The following PDE12 variants were observed in gnomAD, a reference collection of about 807,000 sequenced individuals.
PDE12 encodes phosphodiesterase 12.
A neutral mutation model predicts 45.4 loss-of-function variants in PDE12; 26 were observed. The ratio of observed to expected loss-of-function variants is 0.57; its 90% CI spans 0.42 to 0.79. PDE12 has a LOEUF of 0.79. PDE12 is among the 30% of genes least tolerant of loss of function. The pLI is 0.00. For missense variants in PDE12, 668 were observed against 790.0 expected (o/e 0.85, Z 1.85); for synonymous variants, 283 against 323.9 (o/e 0.87, Z 1.36).
the PDE12 span, among the ~76,000 whole-genome samples, chr3:57,610,988 T>C: frequency 6.6e-6 from 1 of 151,922 alleles, no homozygotes; most frequent in South Asian, 2.1e-4. Flanking sequence ...TCAAACTATA[T>C]TACAAGGCTA....
In PDE12 at chr3:57,561,905, T is replaced by G. The variant is rs2069732732; in HGVS notation, c.*1901T>G. On this transcript the variant is annotated 3_prime_UTR_variant, in exon 3 of 3. Coordinates refer to ENST00000311180, the MANE Select transcript of PDE12 (RefSeq NM_177966.7). ...CCAAGGGGAAAATTAAAGTGGAAGTTTCTTCGGATCTTGTTTAGAAAAAAC... is the reference window on the plus strand; with the variant it reads ...CCAAGGGGAAAATTAAAGTGGAAGTGTCTTCGGATCTTGTTTAGAAAAAAC... 2.0e-6 allele frequency: 2 copies of G among 985,002 alleles called. No individual in the cohort carries two copies. 61.0% of individuals were successfully genotyped at this position (985,002 alleles called of 1,614,324 possible).
the PDE12 span, among the ~76,000 whole-genome samples, chr3:57,611,596 AAAG>A: frequency 5.9e-5 from 9 of 152,140 alleles, no homozygotes; most frequent in Non-Finnish European, 4.4e-5. Flanking sequence ...ACACTTCTCA[AAAG>A]AAGACATTTA....
the PDE12 span, among the ~76,000 whole-genome samples, chr3:57,640,559 C>T: frequency 6.6e-6 from 1 of 152,180 alleles, no homozygotes; most frequent in Non-Finnish European, 1.5e-5. Flanking sequence ...GCCTGGGCAA[C>T]AGAGTGAGAC....
the PDE12 span, among the ~76,000 whole-genome samples, chr3:57,653,251 C>A: frequency 5.9e-5 from 9 of 152,018 alleles, no homozygotes; most frequent in Non-Finnish European, 1.2e-4. Context: ...CTTTAAGGCA[C>A]CAAGTTGCAA....
chr3:57,617,883 A>C, the PDE12 span, among the ~76,000 whole-genome samples: 5 of 152,132 alleles, frequency 3.3e-5, no homozygotes, highest in Admixed American at 2.6e-4. Flanking sequence ...AAAAAAAAAA[A>C]ACAAAAAAAC....
chr3:57,635,517 A>G, the PDE12 span, among the ~76,000 whole-genome samples: 1 of 152,230 alleles, frequency 6.6e-6, no homozygotes, highest in Non-Finnish European at 1.5e-5. Flanking sequence ...TCTTCTCTGC[A>G]TAAGGGTTAA....
chr3:57,650,316 A>T, the PDE12 span, among the ~76,000 whole-genome samples: 1 of 151,966 alleles, frequency 6.6e-6, no homozygotes. Context: ...AAAAAAAAAA[A>T]AGTTGCAGCA....
At chr3:57,590,315 T>G in the PDE12 span, among the ~76,000 whole-genome samples, 1 of 150,840 alleles carries the variant, frequency 6.6e-6, no homozygotes, top group Non-Finnish European at 1.5e-5. Context: ...TGAAACCCTG[T>G]CTCTACTAAA....
chr3:57,613,516 A>C, the PDE12 span, among the ~76,000 whole-genome samples: 1 of 149,970 alleles, frequency 6.7e-6, no homozygotes, highest in African/African-American at 2.5e-5. Flanking sequence ...CTGGTCTGGA[A>C]CTCCTGACCT....
At chr3:57,618,331 TAAATC>T in the PDE12 span, among the ~76,000 whole-genome samples, 1 of 152,314 alleles carries the variant, frequency 6.6e-6, no homozygotes, top group South Asian at 2.1e-4. Flanking sequence ...AGGTTTAACA[TAAATC>T]AATCATATTT....
the PDE12 span, among the ~76,000 whole-genome samples, chr3:57,639,349 T>C: frequency 6.6e-6 from 1 of 152,196 alleles, no homozygotes; most frequent in East Asian, 1.9e-4. Flanking sequence ...GGCAAACAGT[T>C]TGGTGATTTC....
chr3:57,611,351 A>G, the PDE12 span, among the ~76,000 whole-genome samples: 4 of 152,184 alleles, frequency 2.6e-5, no homozygotes, highest in African/African-American at 9.6e-5. Context: ...AAACACCAAA[A>G]GCAATGGCAA....
At chr3:57,629,636 C>T in the PDE12 span, among the ~76,000 whole-genome samples, 2 of 150,982 alleles carry the variant, frequency 1.3e-5, no homozygotes, top group Non-Finnish European at 3.0e-5. Flanking sequence ...CTCAGCCTCC[C>T]GAGTAGCTGG....
chr3:57,614,686 A>T, the PDE12 span, among the ~76,000 whole-genome samples: 16 of 150,396 alleles, frequency 1.1e-4, no homozygotes, highest in African/African-American at 3.9e-4. Context: ...TGAGACTTAC[A>T]GGCGCCTGCC....
chr3:57,569,169 G>A (rs1472171501), downstream of PDE12, among the ~76,000 whole-genome samples: 2 of 152,042 alleles, frequency 1.3e-5, no homozygotes, highest in Non-Finnish European at 2.9e-5. Context: ...AATAAATAAG[G>A]ACAGTGACAG....
chr3:57,645,738 C>T, the PDE12 span: 1 of 1,612,860 alleles, frequency 6.2e-7, no homozygotes, highest in Admixed American at 1.7e-5. Context: ...CACTGAAGTA[C>T]TTTAATGGAG....
At chr3:57,603,952 TCTCA>T in the PDE12 span, among the ~76,000 whole-genome samples, 1 of 136,574 alleles carries the variant, frequency 7.3e-6, no homozygotes, top group Admixed American at 8.1e-5. Context: ...TGAGATGGAG[TCTCA>T]CTCTGTTGCC....
the PDE12 span, among the ~76,000 whole-genome samples, chr3:57,637,289 GCT>G: frequency 1.3e-5 from 2 of 152,188 alleles, no homozygotes; most frequent in African/African-American, 4.8e-5. Flanking sequence ...CAGGTTGTTA[GCT>G]CTGTCATAAC....
the PDE12 span, among the ~76,000 whole-genome samples, chr3:57,618,629 A>G: frequency 0.42 from 20,303 of 47,936 alleles, 2,404 homozygotes; most frequent in East Asian, 0.66. Flanking sequence ...TTTTTTTTTG[A>G]GATGGAGTTT....
Sources: allele counts gnomAD v4.1 joint callset (sites outside exome capture counted in the v4.1 genomes callset), GRCh38; gene constraint gnomAD v4.1.1; transcripts MANE v1.5; gene names NCBI Gene and HGNC (gene_info 2026-07-23, HGNC 2026-07-21).